DPYSL5: variants seen among roughly 807,000 people sequenced by gnomAD.
DPYSL5 encodes the protein dihydropyrimidinase like 5.
Under a neutral mutation model 58.4 loss-of-function variants are expected in DPYSL5, and 9 were observed. The ratio of observed to expected loss-of-function variants is 0.15; its 90% CI spans 0.09 to 0.27. The LOEUF is 0.27. Ranked by LOEUF, DPYSL5 falls within the 10% of genes least tolerant of loss-of-function variation. DPYSL5 has a pLI of 1.00. For synonymous variants in DPYSL5, 293 were observed against 301.9 expected (o/e 0.97, Z 0.31); for missense variants, 499 against 770.6 (o/e 0.65, Z 4.17).
chr2:26,934,961 T>C lies in DPYSL5; in HGVS notation c.947+227T>C, dbSNP rs1175269395. Among the ~76,000 whole-genome samples, 1 of 152,212 alleles carries C rather than the reference T, an allele frequency of 6.6e-6. No homozygotes were observed. The highest frequency in any genetic ancestry group is 1.5e-5 in the Non-Finnish European group (1 of 68,040). ...GAAGTATAAGAGTGAAGAGCACATA[T>C]AGAACTGTGAACCGTGGTTATTCGG... On this transcript the variant is annotated intron_variant, in intron 8 of 12. Transcript: ENST00000288699. The surrounding 1 kb of genome is among the most constrained non-coding windows in gnomAD (Gnocchi z 4.3).
rs79094332 is a variant in DPYSL5 at position 26,937,009 on chromosome 2, T to C, written c.947+2275T>C. On this transcript the variant is annotated intron_variant, in intron 8 of 12. Transcript: ENST00000288699. ...CTCCTTTTCATCATCAGCAATACAATAAAAGAAACAATTACCAAGACTCCA... is the reference window on the plus strand; with the variant it reads ...CTCCTTTTCATCATCAGCAATACAACAAAAGAAACAATTACCAAGACTCCA... Among the ~76,000 whole-genome samples the C allele has an allele frequency of 1.4e-4, 19 of 137,880 alleles. No individual in the cohort carries two copies. The East Asian group carries it at 4.4e-3, about 32-fold the overall frequency. The allele number at this position is 137,880 out of a possible 152,430, so 90.5% of individuals were successfully genotyped here. A position where few individuals can be genotyped will look rare whatever the true frequency, so the allele number is the denominator to read the frequency against.
At chr2:26,919,898 A>G (rs1664662254) in intron 2 of DPYSL5, among the ~76,000 whole-genome samples, 1 of 152,250 alleles carries the variant, frequency 6.6e-6, no homozygotes, top group African/African-American at 2.4e-5. Context: ...AGGCATGTTT[A>G]TACAATGAAT....
Position 26,944,585 on chromosome 2 carries a change from AGGCCAT to A in DPYSL5, c.1441-68_1441-63del. Reference sequence around the variant, plus strand: ...TCTAATGTCCCACCGGCCCCCAGGGAGGCCATGGTTGTATCACTCAGCTCTGATGGT... The same window carrying A: ...TCTAATGTCCCACCGGCCCCCAGGGAGGTTGTATCACTCAGCTCTGATGGT... On this transcript the variant is annotated intron_variant, in intron 11 of 12. Transcript: ENST00000288699. This position sits in a 1 kb window ranked among gnomAD's most constrained non-coding sequence, Gnocchi z 4.4. The A allele has an allele frequency of 6.7e-7, 1 of 1,501,094 alleles. No individual in the cohort carries two copies. The highest frequency in any genetic ancestry group is 1.2e-5 in the South Asian group (1 of 80,288). 93.0% of individuals were successfully genotyped at this position (1,501,094 alleles called of 1,614,324 possible). A position where few individuals can be genotyped will look rare whatever the true frequency, so the allele number is the denominator to read the frequency against.
chr2:26,932,210 A>AG (rs1558351712), intron 6 of DPYSL5, among the ~76,000 whole-genome samples: 5 of 26,524 alleles, frequency 1.9e-4, no homozygotes, highest in African/African-American at 3.2e-4. Flanking sequence ...AAAGAAAGAA[A>AG]AGAAAGAAAG....
chr2:26,889,936 G>T (rs957447252), intron 1 of DPYSL5, among the ~76,000 whole-genome samples: 3 of 152,202 alleles, frequency 2.0e-5, no homozygotes, highest in African/African-American at 7.2e-5. Context: ...TGCTAATGAG[G>T]TTACTGGGGA....
chr2:26,884,517 A>ATCTC (rs1553316105), intron 1 of DPYSL5, among the ~76,000 whole-genome samples: 155 of 146,502 alleles, frequency 1.1e-3, no homozygotes, highest in Middle Eastern at 3.5e-3. Flanking sequence ...AGCTTGTCCT[A>ATCTC]TCTCACACAC....
chr2:26,946,266 G>A (rs751401684), intron 12 of DPYSL5, among the ~76,000 whole-genome samples: 2 of 152,092 alleles, frequency 1.3e-5, no homozygotes, highest in Admixed American at 6.5e-5. Flanking sequence ...CAGAACCCCC[G>A]CTCAGACAGC....
intron 2 of DPYSL5, among the ~76,000 whole-genome samples, chr2:26,906,186 CTTTTTTTT>C (rs35287552): frequency 7.2e-6 from 1 of 138,768 alleles, no homozygotes; most frequent in African/African-American, 2.7e-5. Flanking sequence ...AAACCCATAT[CTTTTTTTT>C]TTTTTTTTGA....
chr2:26,875,464 C>A lies in DPYSL5; in HGVS notation c.-4-23032C>A, dbSNP rs550159012. ...TTGACTCCCTGAGGAAGGTGATGGG[C>A]AACCACAAAGAAGGGTGTGTCAGCC... On this transcript the variant is annotated intron_variant, in intron 1 of 12. Coordinates refer to ENST00000288699, the MANE Select transcript of DPYSL5 (RefSeq NM_020134.4). Among the ~76,000 whole-genome samples the A allele has an allele frequency of 3.3e-5, 5 of 152,340 alleles. No individual in the cohort carries two copies. The South Asian group carries it at 8.3e-4, about 25-fold the overall frequency.
Position 26,947,004 on chromosome 2 carries a change from C to T in DPYSL5, c.*9C>T. The stretch of plus-strand genomic sequence containing the variant: ...CGAGTGGCATTTGGTAAAGGCATTG[C>T]CAAGCCCCCCGAGTGAGGACGCACC... On this transcript the variant is annotated 3_prime_UTR_variant, in exon 13 of 13. Coordinates refer to ENST00000288699, the MANE Select transcript of DPYSL5 (RefSeq NM_020134.4). The surrounding 1 kb of genome is among the most constrained non-coding windows in gnomAD (Gnocchi z 4.2). 6.2e-7 allele frequency: 1 copy of T among 1,606,094 alleles called. No individual in the cohort carries two copies. The highest frequency in any genetic ancestry group is 8.5e-7 in the Non-Finnish European group (1 of 1,173,498).
intron 1 of DPYSL5, among the ~76,000 whole-genome samples, chr2:26,890,111 T>C (rs1299294387): frequency 6.6e-6 from 1 of 152,178 alleles, no homozygotes; most frequent in Non-Finnish European, 1.5e-5. Flanking sequence ...CCATTCCAGC[T>C]CTGGTCTCTG....
Position 26,934,236 on chromosome 2 carries a change from G to A in DPYSL5, c.791-342G>A, listed in dbSNP as rs978297024. 2.0e-5 allele frequency among the ~76,000 whole-genome samples: 3 copies of A among 152,242 alleles called. No individual in the cohort carries two copies. Among genetic ancestry groups the A allele is most frequent in the Middle Eastern group, 3.4e-3 (1 of 294 alleles). On this transcript the variant is annotated intron_variant, in intron 7 of 12. Coordinates refer to ENST00000288699, the MANE Select transcript of DPYSL5 (RefSeq NM_020134.4). The surrounding 1 kb of genome is among the most constrained non-coding windows in gnomAD (Gnocchi z 4.3). ...TAGACTGCTCTTTAGCGTGGCATTC[G>A]TGGCCCTGCATGCCTGTTCACCCAC...
At chr2:26,869,369 G>C (rs888139881) in intron 1 of DPYSL5, among the ~76,000 whole-genome samples, 3 of 152,058 alleles carry the variant, frequency 2.0e-5, no homozygotes, top group Non-Finnish European at 4.4e-5. Context: ...CCGATGATTA[G>C]ATTTTTACAG....
At chr2:26,939,760 T>G (rs908938830) in intron 8 of DPYSL5, 12 of 383,536 alleles carry the variant, frequency 3.1e-5, no homozygotes, top group Non-Finnish European at 4.3e-5. Flanking sequence ...TTTTCTCTGC[T>G]ATCTTCACTC....
chr2:26,882,090 C>CAAAAAAAAAAAA (rs752138649), intron 1 of DPYSL5, among the ~76,000 whole-genome samples: 2 of 41,088 alleles, frequency 4.9e-5, no homozygotes, highest in African/African-American at 1.6e-4. Context: ...GACTCCATCT[C>CAAAAAAAAAAAA]AAAAAAAAAA....
At position 26,933,771 on chromosome 2, in the gene DPYSL5, G is replaced by A. The variant is rs1377969108; in HGVS notation, c.790+438G>A. Among the ~76,000 whole-genome samples, 1 of 152,106 alleles carries A rather than the reference G, an allele frequency of 6.6e-6. No homozygotes were observed. The highest frequency in any genetic ancestry group is 6.5e-5 in the Admixed American group (1 of 15,268). On this transcript the variant is annotated intron_variant, in intron 7 of 12. Transcript: ENST00000288699. The surrounding 1 kb of genome is among the most constrained non-coding windows in gnomAD (Gnocchi z 4.2). ...AGTGTGTGGGCCCAGCTTCCTTTTA[G>A]CCTCCTGGAACCCTGTGTATGAGTC...
intron 9 of DPYSL5, among the ~76,000 whole-genome samples, chr2:26,940,948 TTTGTG>T (rs1474565712): frequency 6.9e-6 from 1 of 144,490 alleles, no homozygotes; most frequent in Non-Finnish European, 1.5e-5. Flanking sequence ...TTTATTTTTT[TTTGTG>T]TGTGATAGAA....
In DPYSL5 at chr2:26,933,302, T is replaced by C. The variant is rs918966164; in HGVS notation, c.759T>C (p.Ala253=). The change falls in exon 7 of 13, where the codon GCT becomes GCC. Residue 253 remains alanine, a synonymous_variant. Coordinates refer to ENST00000288699, the MANE Select transcript of DPYSL5 (RefSeq NM_020134.4). The surrounding 1 kb of genome is among the most constrained non-coding windows in gnomAD (Gnocchi z 4.2). ...TGGTCAACGTGTCCAGTATCTCGGCTGGTGACGTTATCGCAGCTGCTAAGA... is the reference window on the plus strand; with the variant it reads ...TGGTCAACGTGTCCAGTATCTCGGCCGGTGACGTTATCGCAGCTGCTAAGA... The part of the protein sequence containing the change: ...IYLVNVSSIS[A]GDVIAAAKMQ... 1.9e-6 allele frequency: 3 copies of C among 1,614,166 alleles called. No homozygotes were observed.
intron 1 of DPYSL5, among the ~76,000 whole-genome samples, chr2:26,868,244 A>T (rs1663163099): frequency 6.6e-6 from 1 of 152,176 alleles, no homozygotes; most frequent in South Asian, 2.1e-4. Context: ...TTGCTGTCAT[A>T]TGCGCTGCAC....
Sources: gnomAD v4.1 joint callset for allele counts (sites outside exome capture counted in the v4.1 genomes callset) on GRCh38, gnomAD v4.1.1 for gene constraint, Gnocchi (gnomAD v3.1) non-coding constraint, MANE v1.5 for transcripts, NCBI Gene and HGNC (gene_info 2026-07-23, HGNC 2026-07-21) for gene names.